The following RSU1 variants were observed in gnomAD, a reference collection of about 807,000 sequenced individuals.
RSU1 encodes the protein Ras suppressor protein 1, also known as rsu-1.
In RSU1, 26 loss-of-function variants were observed where a neutral mutation model predicts 31.1. The ratio of observed to expected loss-of-function variants is 0.84; its 90% CI spans 0.61 to 1.16. The LOEUF (loss-of-function observed/expected upper bound fraction) is 1.16, where lower values mean the gene tolerates loss of function less well. Among genes scored for constraint, RSU1 ranks in the 50% most tolerant of loss-of-function variants. RSU1 has a pLI of 0.00. For missense variants in RSU1, 320 were observed against 339.1 expected (o/e 0.94, Z 0.44); for synonymous variants, 164 against 136.3 (o/e 1.20, Z -1.41).
rs562045578 is a variant in RSU1, at chr10:16,723,617, A to T, written c.599-28462T>A. On this transcript the variant is annotated intron_variant, in intron 7 of 8. Transcript: ENST00000345264. ...GAACATAAAGCTAGTCGCATACTAT[A>T]GTTTACCCCCTCTGGTTAAAGCATT... Among the ~76,000 whole-genome samples, 7 of 152,308 alleles carry T rather than the reference A, an allele frequency of 4.6e-5. 1 individual carries two copies. The East Asian group carries it at 1.4e-3, about 29-fold the overall frequency.
At chr10:16,760,653 T>C (rs1837193609) in intron 4 of RSU1, among the ~76,000 whole-genome samples, 1 of 152,190 alleles carries the variant, frequency 6.6e-6, no homozygotes. Flanking sequence ...GTTGTATTTT[T>C]CAGCTGCCCA....
rs139920929 is a variant in RSU1, at chr10:16,758,283, G to A, written c.282-3294C>T. On this transcript the variant is annotated intron_variant, in intron 4 of 8. Coordinates refer to ENST00000345264, the MANE Select transcript of RSU1 (RefSeq NM_012425.4). ...GCCACCTCTCCGGACACCAGTCCAG[G>A]TGGATGGTGACATGGTGGGTTCTCT... Among the ~76,000 whole-genome samples, 484 of 152,330 alleles carry A rather than the reference G, an allele frequency of 3.2e-3. 3 individuals are homozygous for A. Among genetic ancestry groups the A allele is most frequent in the African/African-American group, 0.011 (470 of 41,574 alleles).
At chr10:16,786,233 T>A (rs941780269) in intron 2 of RSU1, among the ~76,000 whole-genome samples, 2 of 152,174 alleles carry the variant, frequency 1.3e-5, no homozygotes, top group Non-Finnish European at 1.5e-5. Flanking sequence ...TTTATTTAGT[T>A]ATACTTGCAT....
chr10:16,787,204 T>A (rs1837808577), intron 2 of RSU1, among the ~76,000 whole-genome samples: 1 of 152,186 alleles, frequency 6.6e-6, no homozygotes, highest in South Asian at 2.1e-4. Context: ...GCTTTCTTCC[T>A]ACAGCTGAAC....
At chr10:16,721,206 C>A (rs1391282290) in intron 7 of RSU1, 1 of 152,110 alleles carries the variant, frequency 6.6e-6, no homozygotes, top group Non-Finnish European at 1.5e-5. Context: ...GTAGAGAGAA[C>A]AGTGAAGAGG....
intron 7 of RSU1, among the ~76,000 whole-genome samples, chr10:16,716,826 C>T (rs1236719413): frequency 6.6e-6 from 1 of 151,780 alleles, no homozygotes; most frequent in South Asian, 2.1e-4. Context: ...TTCTTAGATA[C>T]CTTCATAGGA....
At chr10:16,787,643 C>T (rs932057576) in intron 2 of RSU1, among the ~76,000 whole-genome samples, 6 of 152,130 alleles carry the variant, frequency 3.9e-5, no homozygotes, top group Admixed American at 6.5e-5. Context: ...GTAAATAAGT[C>T]TCACAGGATG....
chr10:16,776,687 T>C lies in RSU1; in HGVS notation c.160+5347A>G, dbSNP rs17139124. Among the ~76,000 whole-genome samples, 1,352 of 152,174 alleles carry C rather than the reference T, an allele frequency of 8.9e-3. 23 individuals are homozygous for C. Among genetic ancestry groups the C allele is most frequent in the African/African-American group, 0.031 (1,286 of 41,520 alleles). On this transcript the variant is annotated intron_variant, in intron 3 of 8. Coordinates refer to ENST00000345264, the MANE Select transcript of RSU1 (RefSeq NM_012425.4). The stretch of plus-strand genomic sequence containing the variant: ...CAATTACATTCAGAGACCCACACTT[T>C]TGAAAAGTTTTACATAAATGTCGGC...
At chr10:16,716,659 C>A (rs1836147286) in intron 7 of RSU1, among the ~76,000 whole-genome samples, 2 of 152,022 alleles carry the variant, frequency 1.3e-5, no homozygotes, top group African/African-American at 4.8e-5. Context: ...TGATCTATAA[C>A]CACGTATACA....
chr10:16,736,208 A>G lies in RSU1; in HGVS notation c.598+16331T>C, dbSNP rs369706977. Among the ~76,000 whole-genome samples, 116 of 152,322 alleles carry G rather than the reference A, an allele frequency of 7.6e-4. 1 individual carries two copies. Among genetic ancestry groups the G allele is most frequent in the African/African-American group, 2.6e-3 (108 of 41,576 alleles). On this transcript the variant is annotated intron_variant, in intron 7 of 8. Coordinates refer to ENST00000345264, the MANE Select transcript of RSU1 (RefSeq NM_012425.4). Reference sequence around the variant, plus strand: ...AAATATTAACTACAATGTTCAGGACAAGACTCCTAAAGGCTGGGAAAGAAA... The same window carrying G: ...AAATATTAACTACAATGTTCAGGACGAGACTCCTAAAGGCTGGGAAAGAAA...
intron 3 of RSU1, among the ~76,000 whole-genome samples, chr10:16,780,030 A>T (rs1837618296): frequency 6.6e-6 from 1 of 152,210 alleles, no homozygotes; most frequent in Non-Finnish European, 1.5e-5. Context: ...AGAAATATAA[A>T]GTTTGGATTC....
rs562535550 is a variant in RSU1 at position 16,627,919 on chromosome 10, T to G, written c.732-34423A>C. ...TTCCGCCTCCTGTTGCTTGACTAAC[T>G]GCTAGTAGAAAATGAAATTTACTTT... On this transcript the variant is annotated intron_variant, in intron 8 of 8. Coordinates refer to ENST00000345264, the MANE Select transcript of RSU1 (RefSeq NM_012425.4). Among the ~76,000 whole-genome samples the G allele has an allele frequency of 4.6e-5, 7 of 152,296 alleles. No individual in the cohort carries two copies. The South Asian group carries it at 1.4e-3, about 32-fold the overall frequency.
rs148050240 is a variant in RSU1 at position 16,809,165 on chromosome 10, C to G, written c.109+7808G>C. Among the ~76,000 whole-genome samples, 375 of 152,308 alleles carry G rather than the reference C, an allele frequency of 2.5e-3. 2 individuals carry two copies. Among genetic ancestry groups the G allele is most frequent in the African/African-American group, 8.6e-3 (359 of 41,548 alleles). On this transcript the variant is annotated intron_variant, in intron 2 of 8. Transcript: ENST00000345264. ...TCAAACCTGAAATACTGTTTTACAG[C>G]ATTAAGCATCACACGCTGATGGAAT...
At chr10:16,712,681 G>T (rs1836045815) in intron 7 of RSU1, among the ~76,000 whole-genome samples, 1 of 152,106 alleles carries the variant, frequency 6.6e-6, no homozygotes, top group Non-Finnish European at 1.5e-5. Context: ...ACTAAGTGTG[G>T]TTGTTGTTGT....
chr10:16,745,902 G>C (rs1411256255), intron 7 of RSU1, among the ~76,000 whole-genome samples: 1 of 152,182 alleles, frequency 6.6e-6, no homozygotes, highest in Non-Finnish European at 1.5e-5. Context: ...CAGAATGACA[G>C]TAACAGAAGA....
intron 8 of RSU1, among the ~76,000 whole-genome samples, chr10:16,693,341 G>A (rs1242722995): frequency 1.3e-5 from 2 of 152,202 alleles, no homozygotes; most frequent in African/African-American, 4.8e-5. Context: ...CCAGGAGCAT[G>A]GCGCTCAGGC....
intron 8 of RSU1, among the ~76,000 whole-genome samples, chr10:16,688,293 A>G (rs993836608): frequency 6.6e-6 from 1 of 152,216 alleles, no homozygotes; most frequent in Non-Finnish European, 1.5e-5. Flanking sequence ...AAAATGTGAT[A>G]ATGCATTTTC....
At position 16,611,037 on chromosome 10, in the gene RSU1, CA is replaced by C. The variant is rs1308714048; in HGVS notation, c.732-17542del. On this transcript the variant is annotated intron_variant, in intron 8 of 8. Transcript: ENST00000345264. ...AATATGTTCAGTCCTTCTCTTCCCC[CA>C]AAGCACAAAAACATAAAAGCAGCTT... 1.1e-4 allele frequency among the ~76,000 whole-genome samples: 17 copies of C among 152,340 alleles called. No homozygotes were observed. The East Asian group carries it at 3.1e-3, about 28-fold the overall frequency.
intron 4 of RSU1, among the ~76,000 whole-genome samples, chr10:16,758,927 T>C (rs960164911): frequency 2.6e-5 from 4 of 152,142 alleles, no homozygotes; most frequent in Non-Finnish European, 4.4e-5. Context: ...ATTCTTTTGT[T>C]TGCATGGGAA....
Sources: gnomAD v4.1 joint callset for allele counts (sites outside exome capture counted in the v4.1 genomes callset) on GRCh38, gnomAD v4.1.1 for gene constraint, MANE v1.5 for transcripts, NCBI Gene and HGNC (gene_info 2026-07-23, HGNC 2026-07-21) for gene names.